The following OSGIN2 variants were observed in gnomAD, a reference collection of about 807,000 sequenced individuals.
OSGIN2 encodes the protein oxidative stress induced growth inhibitor family member 2.
A neutral mutation model predicts 53.8 loss-of-function variants in OSGIN2; 19 were observed. The observed-to-expected ratio is 0.35, with a 90% CI of 0.25 to 0.52. The LOEUF is 0.52. OSGIN2 is among the 20% of genes least tolerant of loss of function. OSGIN2 has a pLI of 0.95. For synonymous variants in OSGIN2, 236 were observed against 236.0 expected, an observed-to-expected ratio of 1.00 and a Z score of 0.00; for missense variants, 520 against 662.7, an observed-to-expected ratio of 0.78 and a Z score of 2.36.
rs1809378666 is a variant in OSGIN2 at position 89,927,728 on chromosome 8, G to A, written c.*2196G>A. Reference sequence around the variant, plus strand: ...AAAAGATTTAATTACAGCTTCCAGTGTTTTGACTATGTGAACCATATCCAA... The same window carrying A: ...AAAAGATTTAATTACAGCTTCCAGTATTTTGACTATGTGAACCATATCCAA... On this transcript the variant is annotated 3_prime_UTR_variant, in exon 6 of 6. Transcript: ENST00000451899. 1 of 152,200 alleles carries A rather than the reference G, an allele frequency of 6.6e-6. No homozygotes were observed. The highest frequency in any genetic ancestry group is 2.1e-4 in the South Asian group (1 of 4,830). The allele number at this position is 152,200 out of a possible 1,614,324, so 9.4% of individuals were successfully genotyped here. A position where few individuals can be genotyped will look rare whatever the true frequency, so the allele number is the denominator to read the frequency against.
chr8:89,921,245 G>A (rs1013454402), intron 5 of OSGIN2, 74 bp downstream of exon 5: 6 of 836,118 alleles, frequency 7.2e-6, no homozygotes, highest in Admixed American at 7.1e-5. Context: ...CAAAATATTT[G>A]TGATTTTGTC....
chr8:89,914,919 AAATC>A, intron 4 of OSGIN2, among the ~76,000 whole-genome samples, 173 bp downstream of exon 4: 1 of 152,366 alleles, frequency 6.6e-6, no homozygotes, highest in Non-Finnish European at 1.5e-5. Flanking sequence ...AAGTAGCAGT[AAATC>A]AAGCCAAATT....
At position 89,914,220 on chromosome 8, in the gene OSGIN2, T is replaced by C. The variant is rs768112946; in HGVS notation, c.336+7T>C. The C allele has an allele frequency of 5.1e-6, 8 of 1,572,068 alleles. No homozygotes were observed. Among genetic ancestry groups the C allele is most frequent in the Non-Finnish European group, 6.9e-6 (8 of 1,159,520 alleles). On this transcript the variant is annotated splice_region_variant and intron_variant, in intron 3 of 5. Coordinates refer to ENST00000451899, the MANE Select transcript of OSGIN2 (RefSeq NM_001126111.3). ...TCTTTCCATTGTTGATCAGGTATTA[T>C]TTCTTACATGTCAATTTAAAAAATT...
At chr8:89,910,004 G>A (rs946298409) in intron 2 of OSGIN2, among the ~76,000 whole-genome samples, 1 of 152,140 alleles carries the variant, frequency 6.6e-6, no homozygotes, top group Non-Finnish European at 1.5e-5. Context: ...ATGGTAATGT[G>A]ATAATATTAT....
Position 89,925,798 on chromosome 8 carries a change from A to C in OSGIN2, c.*266A>C. The stretch of plus-strand genomic sequence containing the variant: ...TTAACTAAAACATTCTTTTCTTGCA[A>C]AACTTATTTTTCATGATCATTTTTG... On this transcript the variant is annotated 3_prime_UTR_variant, in exon 6 of 6. Coordinates refer to ENST00000451899, the MANE Select transcript of OSGIN2 (RefSeq NM_001126111.3). The C allele has an allele frequency of 5.7e-6, 2 of 353,472 alleles. No homozygotes were observed. Among genetic ancestry groups the C allele is most frequent in the Non-Finnish European group, 1.0e-5 (2 of 195,036 alleles). The allele number at this position is 353,472 out of a possible 1,614,324, so 21.9% of individuals were successfully genotyped here. A position where few individuals can be genotyped will look rare whatever the true frequency, so the allele number is the denominator to read the frequency against.
At chr8:89,903,186 TTA>T (rs1325737228) in intron 1 of OSGIN2, among the ~76,000 whole-genome samples, 6 of 152,082 alleles carry the variant, frequency 3.9e-5, no homozygotes, top group Non-Finnish European at 8.8e-5. Flanking sequence ...TAAAAAAAAA[TTA>T]TTTCTTAAAA....
chr8:89,919,560 CA>C (rs2130708663), intron 4 of OSGIN2, among the ~76,000 whole-genome samples: 1 of 152,314 alleles, frequency 6.6e-6, no homozygotes, highest in South Asian at 2.1e-4. Context: ...AACTCATGCT[CA>C]TCAGGTAGAG....
At chr8:89,915,246 C>T (rs1294797363) in intron 4 of OSGIN2, among the ~76,000 whole-genome samples, 1 of 152,158 alleles carries the variant, frequency 6.6e-6, no homozygotes, top group Non-Finnish European at 1.5e-5. Flanking sequence ...ATGAAGGTTC[C>T]AGCCAGTTCA....
chr8:89,908,178 G>A (rs1563464313), intron 1 of OSGIN2, among the ~76,000 whole-genome samples: 1 of 152,228 alleles, frequency 6.6e-6, no homozygotes, highest in Admixed American at 6.5e-5. Context: ...ATCAGAGGCA[G>A]TAGTTGGAAT....
rs1808985674 is a variant in OSGIN2, at chr8:89,912,429, A to G, written c.200-1648A>G. ...TTGACACAAGGCCAGCCCATGTGAG[A>G]GAACTGCAGTTGTTCAAATTAGTCT... On this transcript the variant is annotated intron_variant, in intron 2 of 5. Coordinates refer to ENST00000451899, the MANE Select transcript of OSGIN2 (RefSeq NM_001126111.3). Among the ~76,000 whole-genome samples the G allele has an allele frequency of 3.3e-5, 5 of 152,186 alleles. No homozygotes were observed. The South Asian group carries it at 1.0e-3, about 31-fold the overall frequency.
chr8:89,902,892 G>A, intron 1 of OSGIN2, 55 bp downstream of exon 1: 1 of 1,261,260 alleles, frequency 7.9e-7, no homozygotes, highest in Non-Finnish European at 1.0e-6. Flanking sequence ...GCGCTCTCGA[G>A]CTTTTTGGCC....
intron 5 of OSGIN2, among the ~76,000 whole-genome samples, chr8:89,923,192 A>G (rs963269946): frequency 6.6e-6 from 1 of 152,274 alleles, no homozygotes; most frequent in East Asian, 1.9e-4. Flanking sequence ...TCTTTTTAAA[A>G]AAGTAATTTT....
rs546003635 is a variant in OSGIN2 at position 89,913,994 on chromosome 8, C to G, written c.200-83C>G. 3.2e-5 allele frequency: 36 copies of G among 1,116,358 alleles called. No homozygotes were observed. The South Asian group carries it at 5.0e-4, about 16-fold the overall frequency. 69.2% of individuals were successfully genotyped at this position (1,116,358 alleles called of 1,614,324 possible). On this transcript the variant is annotated intron_variant, in intron 2 of 5. Transcript: ENST00000451899. ...AGGAAGAACTGGTCAGAGAAAAGAG[C>G]CATCTTCAAAGTAGGACAAAAGCCA...
Position 89,924,489 on chromosome 8 carries a change from T to C in OSGIN2, c.621-14T>C. 2.6e-6 allele frequency: 4 copies of C among 1,559,106 alleles called. No individual in the cohort carries two copies. The highest frequency in any genetic ancestry group is 3.5e-6 in the Non-Finnish European group (4 of 1,155,142). On this transcript the variant is annotated splice_polypyrimidine_tract_variant and intron_variant, in intron 5 of 5. Coordinates refer to ENST00000451899, the MANE Select transcript of OSGIN2 (RefSeq NM_001126111.3). ...TAGTATCCTTATAGGATATTTTTCCTTTTCCTTTTTTAGGAGCCTAAAAGG... is the reference window on the plus strand; with the variant it reads ...TAGTATCCTTATAGGATATTTTTCCCTTTCCTTTTTTAGGAGCCTAAAAGG...
Position 89,911,954 on chromosome 8 carries a change from T to C in OSGIN2, c.200-2123T>C, listed in dbSNP as rs1039145988. On this transcript the variant is annotated intron_variant, in intron 2 of 5. Transcript: ENST00000451899. Reference sequence around the variant, plus strand: ...CTCCGTCTCAAAAAAAAAAAAGATATAAAATTAGTTCTAAATATTTTTTAT... The same window carrying C: ...CTCCGTCTCAAAAAAAAAAAAGATACAAAATTAGTTCTAAATATTTTTTAT... Among the ~76,000 whole-genome samples, 5 of 152,138 alleles carry C rather than the reference T, an allele frequency of 3.3e-5. No homozygotes were observed. The South Asian group carries it at 1.0e-3, about 32-fold the overall frequency.
chr8:89,902,353 C>T (rs868447517), upstream of OSGIN2, among the ~76,000 whole-genome samples: 1 of 152,268 alleles, frequency 6.6e-6, no homozygotes. Context: ...CGATTGCCGC[C>T]GGTCGAGCCG....
chr8:89,924,442 T>C, intron 5 of OSGIN2, 61 bp from the exon 6 acceptor site: 1 of 1,223,526 alleles, frequency 8.2e-7, no homozygotes, highest in Non-Finnish European at 1.2e-6. Context: ...GGTAGATAAG[T>C]AATAATCATG....
chr8:89,914,179 T>G lies in OSGIN2; in HGVS notation c.302T>G (p.Leu101Ter). ...IHPNTILNSK[L>*]EEARHLSIVD... is the part of the protein sequence containing the mutation. ...CCAAATACAATCTTAAATAGTAAAT[T>G]AGAAGAAGCAAGACATCTTTCCATT... is the stretch of plus-strand genomic sequence containing the variant. Residue 101 changes from leucine to a stop codon, truncating the protein, a stop_gained, in exon 3 of 6, where the codon TTA (leucine) becomes TGA (stop). Coordinates refer to ENST00000451899, the MANE Select transcript of OSGIN2 (RefSeq NM_001126111.3). LOFTEE classifies it high-confidence loss of function. The G allele has an allele frequency of 6.2e-7, 1 of 1,604,516 alleles. No homozygotes were observed. Among genetic ancestry groups the G allele is most frequent in the Non-Finnish European group, 8.5e-7 (1 of 1,172,072 alleles).
chr8:89,924,721 A>C lies in OSGIN2; in HGVS notation c.839A>C (p.Glu280Ala). Reference protein sequence around the residue: ...EKSNFIKRNWEIRGYQRIADG... With the variant: ...EKSNFIKRNWAIRGYQRIADG... The stretch of plus-strand genomic sequence containing the variant: ...TCAAACTTTATCAAGAGAAACTGGG[A>C]AATTAGGGGTTATCAGCGAATAGCT... Residue 280 changes from glutamate to alanine, a missense_variant, in exon 6 of 6, where the codon GAA becomes GCA. Glu to Ala is a moderately radical substitution (Grantham distance 107). This residue lies in a region of OSGIN2 where 78 missense variants were observed against 59.1 expected (regional missense o/e 1.32). Transcript: ENST00000451899. The C allele has an allele frequency of 6.2e-7, 1 of 1,614,144 alleles. No homozygotes were observed. Among genetic ancestry groups the C allele is most frequent in the Non-Finnish European group, 8.5e-7 (1 of 1,180,006 alleles).
Sources: gnomAD v4.1 joint callset for allele counts (sites outside exome capture counted in the v4.1 genomes callset) on GRCh38, gnomAD v4.1.1 for gene constraint, gnomAD v4.1.1 regional missense constraint, MANE v1.5 for transcripts, NCBI Gene and HGNC (gene_info 2026-07-23, HGNC 2026-07-21) for gene names.